Variants in PSMG4 observed in about 807,000 individuals in gnomAD.
PSMG4 encodes proteasome assembly chaperone 4.
A neutral mutation model predicts 11.0 loss-of-function variants in PSMG4; 10 were observed. The ratio of observed to expected loss-of-function variants is 0.91; its 90% CI spans 0.56 to 1.54. The LOEUF is 1.54. Ranked by LOEUF, PSMG4 falls within the 40% of genes most tolerant of loss-of-function variation. The pLI is 0.00. For missense variants in PSMG4, 198 were observed against 160.9 expected (o/e 1.23, Z -1.25); for synonymous variants, 95 against 71.3 (o/e 1.33, Z -1.68).
At chr6:3,256,504 G>A (rs1361663567), upstream of PSMG4, among the ~76,000 whole-genome samples, 12 of 152,222 alleles carry the variant, frequency 7.9e-5, no homozygotes, top group South Asian at 2.1e-4. Context: ...CCAGCCACTC[G>A]GTCATTTGGG....
upstream of PSMG4, chr6:3,255,165 C>T (rs150012128): frequency 1.3e-4 from 208 of 1,550,912 alleles, no homozygotes; most frequent in Admixed American, 4.9e-4. Context: ...GCCATACTGA[C>T]GGCTTACATG....
chr6:3,256,166 T>C (rs934806094), upstream of PSMG4, among the ~76,000 whole-genome samples: 1 of 152,220 alleles, frequency 6.6e-6, no homozygotes, highest in Admixed American at 6.5e-5. Context: ...ACATGCTTGC[T>C]TGGCTGGGGG....
At chr6:3,258,427 C>T (rs556367155), upstream of PSMG4, among the ~76,000 whole-genome samples, 2 of 152,334 alleles carry the variant, frequency 1.3e-5, no homozygotes, top group Admixed American at 6.5e-5. Flanking sequence ...ATACCGTTGC[C>T]ATTCTTAATT....
chr6:3,263,975 C>A, intron 2 of PSMG4: 4 of 1,338,582 alleles, frequency 3.0e-6, no homozygotes, highest in Non-Finnish European at 4.0e-6. Context: ...TGGCCTGTTC[C>A]CAAAGGACTC....
chr6:3,259,666 C>A (rs1230860017), intron 1 of PSMG4, among the ~76,000 whole-genome samples: 2 of 152,256 alleles, frequency 1.3e-5, no homozygotes, highest in African/African-American at 2.4e-5. Flanking sequence ...GCAGCTCCAT[C>A]TTCCTGGCTG....
chr6:3,264,203 G>A (rs368704539), intron 2 of PSMG4: 111 of 1,551,562 alleles, frequency 7.2e-5, no homozygotes, highest in Middle Eastern at 3.3e-4. Flanking sequence ...GTGTGATACC[G>A]TTCAGGGCTC....
upstream of PSMG4, among the ~76,000 whole-genome samples, chr6:3,255,574 T>G (rs1757734789): frequency 2.6e-5 from 4 of 152,182 alleles, no homozygotes; most frequent in South Asian, 6.2e-4. Context: ...TTACATGAGA[T>G]GGTTACCCAG....
chr6:3,258,994 G>C lies in PSMG4; in HGVS notation c.-29G>C, dbSNP rs555460327. On this transcript the variant is annotated 5_prime_UTR_variant, in exon 1 of 3. Coordinates refer to ENST00000438998, the MANE Select transcript of PSMG4 (RefSeq NM_001128591.2). ...TGGCAGCGGCGAGGACCCGGGTCTG[G>C]CGCTGTGGGCCGGGAGCCGTGGGGC... The C allele has an allele frequency of 5.7e-4, 710 of 1,240,170 alleles. 2 individuals carry two copies. The African/African-American group carries it at 9.4e-3, about 16-fold the overall frequency. 76.8% of individuals were successfully genotyped at this position (1,240,170 alleles called of 1,614,324 possible). A position where few individuals can be genotyped will look rare whatever the true frequency, so the allele number is the denominator to read the frequency against.
chr6:3,255,317 C>T (rs1254143684), upstream of PSMG4: 2 of 1,499,624 alleles, frequency 1.3e-6, no homozygotes, highest in South Asian at 1.3e-5. Context: ...GTGGATGAGG[C>T]TAACGGCAAC....
intron 2 of PSMG4, chr6:3,264,814 GTGTT>G (rs1445754509): frequency 6.4e-6 from 1 of 156,344 alleles, no homozygotes; most frequent in African/African-American, 2.4e-5. Context: ...TTCCCTCTTT[GTGTT>G]TGTATCTTTT....
At position 3,259,090 on chromosome 6, in the gene PSMG4, A is replaced by G. The variant is rs746049177; in HGVS notation, c.68A>G (p.Glu23Gly). Residue 23 changes from glutamate to glycine, a missense_variant, in exon 1 of 3, where the codon GAG (glutamate) becomes GGG (glycine). Transcript: ENST00000438998. ...CACAACTTCAGCGCGAGGCTGTGGG[A>G]GCAGCTGGTCCACTTCCACGTCATG... Reference protein sequence around the residue: ...SLHNFSARLWEQLVHFHVMRL... With the variant: ...SLHNFSARLWGQLVHFHVMRL... 117 of 1,271,332 alleles carry G rather than the reference A, an allele frequency of 9.2e-5. No individual in the cohort carries two copies. Among genetic ancestry groups the G allele is most frequent in the Middle Eastern group, 2.1e-4 (1 of 4,760 alleles). The allele number at this position is 1,271,332 out of a possible 1,614,324, so 78.8% of individuals were successfully genotyped here.
At chr6:3,258,052 CAG>C (rs1444673879), upstream of PSMG4, among the ~76,000 whole-genome samples, 2 of 133,694 alleles carry the variant, frequency 1.5e-5, no homozygotes, top group Non-Finnish European at 3.4e-5. Flanking sequence ...TCAGTTGTAA[CAG>C]AATCTGACAA....
At chr6:3,258,730 G>T (rs779140277), upstream of PSMG4, among the ~76,000 whole-genome samples, 282 of 152,240 alleles carry the variant, frequency 1.9e-3, 1 homozygote, top group Non-Finnish European at 3.1e-3. Flanking sequence ...GTCGCACTCT[G>T]CTACTCAAGT....
upstream of PSMG4, chr6:3,255,313 G>A: frequency 2.7e-6 from 4 of 1,504,424 alleles, no homozygotes; most frequent in East Asian, 2.5e-5. Context: ...AGTGGTGGAT[G>A]AGGCTAACGG....
At position 3,259,165 on chromosome 6, in the gene PSMG4, G is replaced by A. The variant is rs1324359451; in HGVS notation, c.143G>A (p.Arg48His). ...TGGGTGGGGGCCACGCCGCACCTGC[G>A]CAACCTCGCCGTGGCCATGTGCAGC... is the stretch of plus-strand genomic sequence containing the variant. ...FLWVGATPHL[R>H]NLAVAMCSRY... Residue 48 changes from arginine (R) to histidine (H), a missense_variant, in exon 1 of 3, where the codon CGC (arginine) becomes CAC (histidine). Transcript: ENST00000438998. The A allele has an allele frequency of 3.8e-6, 5 of 1,309,456 alleles. No homozygotes were observed. The highest frequency in any genetic ancestry group is 4.9e-6 in the Non-Finnish European group (5 of 1,029,510). The allele number at this position is 1,309,456 out of a possible 1,614,324, so 81.1% of individuals were successfully genotyped here.
chr6:3,266,779 A>C (rs1427898544), intron 2 of PSMG4: 1 of 152,188 alleles, frequency 6.6e-6, no homozygotes, highest in Non-Finnish European at 1.5e-5. Context: ...ATGCAAATGC[A>C]TGGAAACGTA....
rs377476233 is a variant in PSMG4 at position 3,263,640 on chromosome 6, C to T, written c.175-44C>T. On this transcript the variant is annotated intron_variant, in intron 1 of 2. Transcript: ENST00000438998. ...GGAAGCCAGAAGTGTGGCTGGCCTG[C>T]GGGGGGTGGAGAAGCTGCAGTGTGC... is the stretch of plus-strand genomic sequence containing the variant. The T allele has an allele frequency of 6.0e-5, 87 of 1,460,168 alleles. No individual in the cohort carries two copies. In the African/African-American group the frequency reaches 7.1e-4, roughly 12 times the overall value. 90.5% of individuals were successfully genotyped at this position (1,460,168 alleles called of 1,614,324 possible). A position where few individuals can be genotyped will look rare whatever the true frequency, so the allele number is the denominator to read the frequency against.
At chr6:3,258,864 C>A, upstream of PSMG4, 1 of 656,196 alleles carries the variant, frequency 1.5e-6, no homozygotes. Flanking sequence ...AACCCAAGCC[C>A]GGGATCGCCC....
intron 1 of PSMG4, among the ~76,000 whole-genome samples, chr6:3,261,010 G>A (rs1424084230): frequency 6.6e-6 from 1 of 152,102 alleles, no homozygotes. Context: ...CAGGGTGAGC[G>A]TCTGTTTCTC....
Sources: gnomAD v4.1 joint callset for allele counts (sites outside exome capture counted in the v4.1 genomes callset) on GRCh38, gnomAD v4.1.1 for gene constraint, MANE v1.5 for transcripts, NCBI Gene and HGNC (gene_info 2026-07-23, HGNC 2026-07-21) for gene names.